HDAC5: variants seen among roughly 807,000 people sequenced by gnomAD.
HDAC5 encodes antigen NY-CO-9.
Under a neutral mutation model 133.3 loss-of-function variants are expected in HDAC5, and 25 were observed. That is an observed-to-expected ratio of 0.19 (90% confidence interval 0.14 to 0.26). HDAC5 has a LOEUF of 0.26. HDAC5 is among the 10% of genes least tolerant of loss of function. HDAC5 has a pLI of 1.00. For synonymous variants in HDAC5, 589 were observed against 610.8 expected (o/e 0.96, Z 0.53); for missense variants, 1,041 against 1,460.5 (o/e 0.71, Z 4.68).
chr17:44,104,009 T>C (rs555889564), intron 3 of HDAC5, among the ~76,000 whole-genome samples: 1 of 151,844 alleles, frequency 6.6e-6, no homozygotes, highest in East Asian at 2.0e-4. Flanking sequence ...TGCCTGGCCT[T>C]CTCAGGATGT....
chr17:44,109,199 G>A (rs1223329922), intron 3 of HDAC5, among the ~76,000 whole-genome samples: 1 of 152,212 alleles, frequency 6.6e-6, no homozygotes, highest in Non-Finnish European at 1.5e-5. Context: ...AGATGGCGTG[G>A]AGCTGTCCCA....
Position 44,103,649 on chromosome 17 carries a change from G to T in HDAC5, c.94+7080C>A, listed in dbSNP as rs1295011671. Among the ~76,000 whole-genome samples the T allele has an allele frequency of 7.9e-5, 12 of 151,982 alleles. No homozygotes were observed. The East Asian group carries it at 1.7e-3, about 22-fold the overall frequency. ...TTATTAATGGCTCCTCATATTTTTT[G>T]TGTCCTGAACTCTTTTGGCAATCTA... On this transcript the variant is annotated intron_variant, in intron 3 of 26. Coordinates refer to ENST00000682912, the MANE Select transcript of HDAC5 (RefSeq NM_005474.5).
chr17:44,122,112 C>T (rs1330938893), intron 1 of HDAC5, among the ~76,000 whole-genome samples: 2 of 152,084 alleles, frequency 1.3e-5, no homozygotes, highest in African/African-American at 2.4e-5. Flanking sequence ...AATGAAGAAG[C>T]AGGCAGCCCC....
At chr17:44,098,739 T>A (rs1409795066) in intron 3 of HDAC5, among the ~76,000 whole-genome samples, 23 of 123,774 alleles carry the variant, frequency 1.9e-4, no homozygotes, top group Middle Eastern at 4.0e-3. Context: ...AGACCCTATC[T>A]AAAAAAAAAA....
intron 23 of HDAC5, 117 bp from the exon 24 acceptor site, chr17:44,079,394 C>A: frequency 9.5e-7 from 1 of 1,047,276 alleles, no homozygotes; most frequent in Non-Finnish European, 1.4e-6. Context: ...GTAATCCCAG[C>A]ACTTTGGGAG....
chr17:44,078,465 G>C (rs779366711), intron 26 of HDAC5, 35 bp downstream of exon 26: 47 of 1,582,810 alleles, frequency 3.0e-5, no homozygotes, highest in Non-Finnish European at 3.7e-5. Flanking sequence ...ACCAGCAGGG[G>C]TGAGGGCAGA....
At chr17:44,078,473 A>G (rs1479006424) in intron 26 of HDAC5, 27 bp downstream of exon 26, 13 of 1,591,908 alleles carry the variant, frequency 8.2e-6, no homozygotes, top group Non-Finnish European at 7.7e-6. Context: ...GGGTGAGGGC[A>G]GAGAGGTGGT....
intron 20 of HDAC5, among the ~76,000 whole-genome samples, chr17:44,081,240 A>G (rs529968024): frequency 2.0e-4 from 30 of 151,868 alleles, no homozygotes; most frequent in African/African-American, 7.2e-4. Flanking sequence ...TAAAACAGGC[A>G]GATGAGATTC....
Position 44,093,296 on chromosome 17 carries a change from C to G in HDAC5, c.526+18G>C, listed in dbSNP as rs538956728. ...TCACGGGCGGGGCCCTACGAGGTCC[C>G]AGGAGGCCCTGCCTTACTCTCTTTG... On this transcript the variant is annotated intron_variant, in intron 5 of 26. Coordinates refer to ENST00000682912, the MANE Select transcript of HDAC5 (RefSeq NM_005474.5). The G allele has an allele frequency of 8.9e-5, 141 of 1,582,100 alleles. No homozygotes were observed. The highest frequency in any genetic ancestry group is 5.0e-4 in the Middle Eastern group (3 of 5,942).
At chr17:44,095,894 G>A (rs866442) in intron 3 of HDAC5, among the ~76,000 whole-genome samples, 2 of 152,114 alleles carry the variant, frequency 1.3e-5, no homozygotes, top group Admixed American at 6.5e-5. Flanking sequence ...GGGAGGGGAA[G>A]GCAGTGGAGG....
rs772506904 is a variant in HDAC5, at chr17:44,078,543, C to T, written c.3286G>A (p.Ala1096Thr). ...VSAMALLSVG[A>T]EQAQAAAARE... The stretch of plus-strand genomic sequence containing the variant: ...GCTGCCGCAGCCTGGGCCTGCTCGG[C>T]CCCCACCGACAGCAAGGCCATGGCG... Residue 1096 changes from alanine to threonine, a missense_variant, in exon 26 of 27, where the codon GCC (alanine) becomes ACC (threonine). By Grantham distance (58) the Ala-to-Thr change is moderately conservative (BLOSUM62 0). Around this residue, in one of 9 missense-constraint regions of HDAC5, gnomAD observed 95 missense variants for 107.3 expected, o/e 0.88. Transcript: ENST00000682912. The T allele has an allele frequency of 2.0e-5, 33 of 1,612,202 alleles. No homozygotes were observed. Among genetic ancestry groups the T allele is most frequent in the Non-Finnish European group, 2.6e-5 (31 of 1,179,774 alleles).
At position 44,084,620 on chromosome 17, in the gene HDAC5, T is replaced by C; in HGVS notation, c.2240A>G (p.Tyr747Cys). The change falls in exon 16 of 27, where the codon TAC (tyrosine) becomes TGC (cysteine). Residue 747 changes from tyrosine to cysteine, a missense_variant. Coordinates refer to ENST00000682912, the MANE Select transcript of HDAC5 (RefSeq NM_005474.5). ...LDEIQTVHSE[Y>C]HTLLYGTSPL... Reference sequence around the variant, plus strand: ...ACTGGTCCCATAGAGCAGGGTGTGGTATTCAGAGTGCACTGTCTGGATCTC... The same window carrying C: ...ACTGGTCCCATAGAGCAGGGTGTGGCATTCAGAGTGCACTGTCTGGATCTC... 6.2e-7 allele frequency: 1 copy of C among 1,614,056 alleles called. No homozygotes were observed. Among genetic ancestry groups the C allele is most frequent in the Non-Finnish European group, 8.5e-7 (1 of 1,179,988 alleles).
chr17:44,080,657 C>T, intron 21 of HDAC5, 106 bp downstream of exon 21: 1 of 1,543,838 alleles, frequency 6.5e-7, no homozygotes, highest in Non-Finnish European at 8.9e-7. Flanking sequence ...GCCCAGACTC[C>T]CCAGGTACCA....
chr17:44,084,882 G>A, intron 15 of HDAC5, 140 bp downstream of exon 15: 1 of 1,290,246 alleles, frequency 7.8e-7, no homozygotes. Flanking sequence ...TGCAAGGGAT[G>A]GAACGGGGTG....
Position 44,078,886 on chromosome 17 carries a change from G to A in HDAC5, c.3079-7C>T, listed in dbSNP as rs555720102. On this transcript the variant is annotated splice_region_variant and splice_polypyrimidine_tract_variant and intron_variant, in intron 24 of 26. Transcript: ENST00000682912. ...CCTCATCCAAGGGCTGCAGCTGGCA[G>A]GGGAAAGAAGAGAAGGCTTAGGGTG... The A allele has an allele frequency of 3.1e-6, 5 of 1,614,042 alleles. No homozygotes were observed. In the African/African-American group the frequency reaches 5.3e-5, roughly 17 times the overall value.
chr17:44,101,080 C>T (rs890654121), intron 3 of HDAC5, among the ~76,000 whole-genome samples: 30 of 150,072 alleles, frequency 2.0e-4, no homozygotes, highest in African/African-American at 6.5e-4. Flanking sequence ...TGAGCCACTG[C>T]GCCTGGCCTA....
chr17:44,098,158 G>T lies in HDAC5; in HGVS notation c.95-4324C>A, dbSNP rs549409969. Among the ~76,000 whole-genome samples the T allele has an allele frequency of 4.0e-4, 61 of 152,138 alleles. 1 individual carries two copies. In the South Asian group the frequency reaches 0.01, roughly 25 times the overall value. On this transcript the variant is annotated intron_variant, in intron 3 of 26. Coordinates refer to ENST00000682912, the MANE Select transcript of HDAC5 (RefSeq NM_005474.5). ...TCTGCCTGAGTCAGGGAAAGGAGGG[G>T]CATGGAGCCCCATGAATAGAGTCTG...
At chr17:44,094,447 C>G (rs2051131903) in intron 3 of HDAC5, among the ~76,000 whole-genome samples, 1 of 151,996 alleles carries the variant, frequency 6.6e-6, no homozygotes, top group Non-Finnish European at 1.5e-5. Context: ...ACCATCCTGA[C>G]TAACATGGTG....
chr17:44,091,526 A>C (rs370326433), intron 10 of HDAC5, 34 bp from the exon 11 acceptor site: 1 of 1,531,258 alleles, frequency 6.5e-7, no homozygotes, highest in Non-Finnish European at 8.8e-7. Context: ...ATACAGCCTC[A>C]GTCCTGCCAA....
Sources: gnomAD v4.1 joint callset for allele counts (sites outside exome capture counted in the v4.1 genomes callset) on GRCh38, gnomAD v4.1.1 for gene constraint, gnomAD v4.1.1 regional missense constraint, MANE v1.5 for transcripts, NCBI Gene and HGNC (gene_info 2026-07-23, HGNC 2026-07-21) for gene names.